IGHMBP2: variants seen among roughly 807,000 people sequenced by gnomAD.
The protein encoded by IGHMBP2 is DNA-binding protein SMUBP-2.
Under a neutral mutation model 96.0 loss-of-function variants are expected in IGHMBP2, and 81 were observed. That is an observed-to-expected ratio of 0.84 (90% CI 0.71 to 1.01). The LOEUF (loss-of-function observed/expected upper bound fraction) is 1.01. IGHMBP2 is among the 50% of genes least tolerant of loss of function. IGHMBP2 has a pLI of 0.00. For synonymous variants in IGHMBP2, 557 were observed against 548.9 expected (o/e 1.01, Z -0.21); for missense variants, 1,227 against 1,306.3 (o/e 0.94, Z 0.94).
chr11:68,932,202 T>C (rs1159384531), intron 8 of IGHMBP2: 1 of 152,314 alleles, frequency 6.6e-6, no homozygotes, highest in Non-Finnish European at 1.5e-5. Flanking sequence ...GAGAGTAGGA[T>C]GGTTTTTGGG....
At chr11:68,932,959 C>G (rs574854284) in intron 8 of IGHMBP2, 8 of 390,344 alleles carry the variant, frequency 2.0e-5, no homozygotes, top group African/African-American at 4.1e-5. Flanking sequence ...TCTCTCCCCT[C>G]GGTGACCTTC....
intron 5 of IGHMBP2, among the ~76,000 whole-genome samples, chr11:68,912,217 C>T (rs908832771): frequency 9.2e-5 from 14 of 152,154 alleles, no homozygotes; most frequent in African/African-American, 2.7e-4. Context: ...CTGCAACCTC[C>T]GCCTCCCGGG....
rs1378800448 is a variant in IGHMBP2 at position 68,914,874 on chromosome 11, C to T, written c.763C>T (p.Leu255=). The T allele has an allele frequency of 6.2e-7, 1 of 1,614,138 alleles. No individual in the cohort carries two copies. Among genetic ancestry groups the T allele is most frequent in the African/African-American group, 1.3e-5 (1 of 74,952 alleles). The change falls in exon 6 of 15, where the codon CTG becomes TTG. Residue 255 remains leucine, a synonymous_variant. Transcript: ENST00000255078. ...NIAVDNLVER[L]ALCKQRILRL... ...CGCCGTGGACAATCTGGTGGAGCGCCTGGCTCTGTGTAAGCAGCGGATTCT... is the reference window on the plus strand; with the variant it reads ...CGCCGTGGACAATCTGGTGGAGCGCTTGGCTCTGTGTAAGCAGCGGATTCT...
At chr11:68,924,450 G>A (rs1242802242) in intron 7 of IGHMBP2, among the ~76,000 whole-genome samples, 4 of 152,264 alleles carry the variant, frequency 2.6e-5, no homozygotes, top group Non-Finnish European at 4.4e-5. Flanking sequence ...TGAACAAGGT[G>A]CTGTGCTCAG....
At chr11:68,934,603 A>T (rs1191238852) in intron 11 of IGHMBP2, 45 bp downstream of exon 11, 1 of 1,402,748 alleles carries the variant, frequency 7.1e-7, no homozygotes, top group East Asian at 2.4e-5. Flanking sequence ...GCTGGGGCTC[A>T]CACAACCTAG....
At chr11:68,926,867 G>A (rs1435978631) in intron 7 of IGHMBP2, among the ~76,000 whole-genome samples, 1 of 152,070 alleles carries the variant, frequency 6.6e-6, no homozygotes, top group Non-Finnish European at 1.5e-5. Context: ...CTAGGTTCAA[G>A]CGATTCTCCT....
chr11:68,934,629 G>T, intron 11 of IGHMBP2, 71 bp downstream of exon 11: 2 of 1,222,896 alleles, frequency 1.6e-6, no homozygotes, highest in East Asian at 5.0e-5. Context: ...GAAAGAAAAA[G>T]GGTGATTTGT....
intron 5 of IGHMBP2, among the ~76,000 whole-genome samples, chr11:68,913,203 A>G (rs1342939828): frequency 6.6e-6 from 1 of 152,166 alleles, no homozygotes; most frequent in Non-Finnish European, 1.5e-5. Flanking sequence ...GCGGTTTTCC[A>G]ATGTGTGAGT....
rs777841793 is a variant in IGHMBP2 at position 68,936,261 on chromosome 11, A to C, written c.1781A>C (p.Asp594Ala). The change falls in exon 13 of 15, where the codon GAC (aspartate) becomes GCC (alanine). Residue 594 changes from aspartate to alanine, a missense_variant. By Grantham distance (126) the Asp-to-Ala change is moderately radical. Coordinates refer to ENST00000255078, the MANE Select transcript of IGHMBP2 (RefSeq NM_002180.3). ...GGTGAAGTTGGTTTTCTTGCTGAGG[A>C]CCGGAGGATCAACGTGGCTGTCACC... ...RKGEVGFLAE[D>A]RRINVAVTRA... The C allele has an allele frequency of 1.2e-6, 2 of 1,614,104 alleles. No individual in the cohort carries two copies. Among genetic ancestry groups the C allele is most frequent in the Non-Finnish European group, 1.7e-6 (2 of 1,180,008 alleles).
At chr11:68,923,056 C>G (rs73527321) in intron 7 of IGHMBP2, among the ~76,000 whole-genome samples, 1 of 152,074 alleles carries the variant, frequency 6.6e-6, no homozygotes, top group African/African-American at 2.4e-5. Context: ...TGGTCTCTTT[C>G]GATGAACTGT....
rs1215678700 is a variant in IGHMBP2 at position 68,936,853 on chromosome 11, A to T, written c.2373A>T (p.Ala791=). Residue 791 remains alanine, a synonymous_variant, in exon 13 of 15, where the codon GCA becomes GCT. Transcript: ENST00000255078. The part of the protein sequence containing the change: ...TVSKRAPRPR[A]ALGPPAGTGG... Reference sequence around the variant, plus strand: ...GCAAGAGGGCCCCGCGACCCCGAGCAGCCCTGGGACCCCCAGCAGGGACCG... The same window carrying T: ...GCAAGAGGGCCCCGCGACCCCGAGCTGCCCTGGGACCCCCAGCAGGGACCG... 11 of 1,613,228 alleles carry T rather than the reference A, an allele frequency of 6.8e-6. No homozygotes were observed. In the East Asian group the frequency reaches 1.8e-4, roughly 26 times the overall value.
chr11:68,937,243 C>T (rs1249606220), intron 13 of IGHMBP2, 152 bp downstream of exon 13: 2 of 1,002,910 alleles, frequency 2.0e-6, no homozygotes, highest in Non-Finnish European at 3.0e-6. Flanking sequence ...TCATGCCACT[C>T]CCAGCTCCGT....
intron 7 of IGHMBP2, among the ~76,000 whole-genome samples, chr11:68,927,344 T>C (rs1175930192): frequency 2.0e-5 from 3 of 152,180 alleles, no homozygotes; most frequent in Admixed American, 1.3e-4. Flanking sequence ...TAGACAGAAA[T>C]CCCCCTGAAC....
At chr11:68,938,861 CAGTA>C (rs1193357950) in intron 14 of IGHMBP2, among the ~76,000 whole-genome samples, 1 of 152,150 alleles carries the variant, frequency 6.6e-6, no homozygotes, top group African/African-American at 2.4e-5. Flanking sequence ...GACCAGCATA[CAGTA>C]CCAGGTGTTG....
At chr11:68,936,095 A>T (rs1247376476) in intron 12 of IGHMBP2, 142 bp from the exon 13 acceptor site, 1 of 900,972 alleles carries the variant, frequency 1.1e-6, no homozygotes, top group Non-Finnish European at 1.8e-6. Flanking sequence ...TCACGGTGCC[A>T]CGCGTGGCCG....
At chr11:68,928,948 T>C (rs1374954813) in intron 7 of IGHMBP2, among the ~76,000 whole-genome samples, 1 of 152,230 alleles carries the variant, frequency 6.6e-6, no homozygotes, top group Non-Finnish European at 1.5e-5. Context: ...ATTTTGCCAA[T>C]TGAAGATCAG....
chr11:68,929,291 T>C lies in IGHMBP2; in HGVS notation c.1169T>C (p.Leu390Pro). 2 of 1,613,886 alleles carry C rather than the reference T, an allele frequency of 1.2e-6. No individual in the cohort carries two copies. Among genetic ancestry groups the C allele is most frequent in the South Asian group, 1.1e-5 (1 of 91,084 alleles). The change falls in exon 8 of 15, where the codon CTG becomes CCG. Residue 390 changes from leucine (L) to proline (P), a missense_variant. Physicochemically the swap from Leu to Pro is moderately conservative, Grantham distance 98 (BLOSUM62 -3). This residue lies in a region of IGHMBP2 where 507 missense variants were observed against 496.9 expected (regional missense o/e 1.02). Transcript: ENST00000255078. ...ALEASCWIPL[L>P]KARKCILAGD... is the part of the protein sequence containing the mutation. ...GAGGCGAGCTGCTGGATCCCCCTGC[T>C]GAAGGCCAGAAAGTGCATCCTGGCG...
In IGHMBP2 at chr11:68,903,899, G is replaced by T. The variant is rs191428037; in HGVS notation, c.-54G>T. On this transcript the variant is annotated 5_prime_UTR_variant, in exon 1 of 15. Transcript: ENST00000255078. ...GGGAACACCGGTCCGCTGTAACACCGGCCCGGCGCAGAAGCGGGACGTCGG... is the reference window on the plus strand; with the variant it reads ...GGGAACACCGGTCCGCTGTAACACCTGCCCGGCGCAGAAGCGGGACGTCGG... The T allele has an allele frequency of 1.2e-6, 2 of 1,607,346 alleles. No homozygotes were observed.
At chr11:68,906,410 G>A (rs906531093) in intron 2 of IGHMBP2, 172 bp downstream of exon 2, 13 of 749,484 alleles carry the variant, frequency 1.7e-5, no homozygotes, top group Admixed American at 6.5e-5. Flanking sequence ...CTAGATCAGC[G>A]TTGTCCAAAA....
Sources: gnomAD v4.1 joint callset for allele counts (sites outside exome capture counted in the v4.1 genomes callset) on GRCh38, gnomAD v4.1.1 for gene constraint, gnomAD v4.1.1 regional missense constraint, MANE v1.5 for transcripts, NCBI Gene and HGNC (gene_info 2026-07-23, HGNC 2026-07-21) for gene names.